MAST2: variants seen among roughly 807,000 people sequenced by gnomAD.
MAST2 encodes microtubule-associated serine/threonine-protein kinase 2.
Under a neutral mutation model 147.4 loss-of-function variants are expected in MAST2, and 70 were observed. That is an observed-to-expected ratio of 0.47 (90% CI 0.39 to 0.58). The LOEUF is 0.58. Ranked by LOEUF, MAST2 falls within the 20% of genes least tolerant of loss-of-function variation. The probability of loss-of-function intolerance (pLI) is 0.00; values close to 1 mark genes in which losing one functional copy is unlikely to be tolerated. For synonymous variants in MAST2, 869 were observed against 896.8 expected (o/e 0.97, Z 0.55); for missense variants, 2,080 against 2,302.3 (o/e 0.90, Z 1.98).
chr1:45,909,546 A>T (rs935007406), intron 4 of MAST2, among the ~76,000 whole-genome samples: 4 of 151,204 alleles, frequency 2.6e-5, no homozygotes, highest in Admixed American at 2.0e-4. Context: ...TTGGAGACAG[A>T]GTCTGGCTCT....
chr1:45,983,482 A>G (rs1558002255), intron 5 of MAST2, among the ~76,000 whole-genome samples: 1 of 151,320 alleles, frequency 6.6e-6, no homozygotes, highest in Non-Finnish European at 1.5e-5. Context: ...ATTTTAGAGT[A>G]AGACACTTTT....
intron 3 of MAST2, among the ~76,000 whole-genome samples, chr1:45,830,181 C>A (rs867084346): frequency 3.7e-5 from 4 of 108,256 alleles, no homozygotes; most frequent in Admixed American, 1.2e-4. Context: ...TTAATTGAAT[C>A]TTTTTTTTTT....
rs1000245435 is a variant in MAST2, at chr1:45,865,623, A to G, written c.469-16741A>G. Among the ~76,000 whole-genome samples, 101 of 152,142 alleles carry G rather than the reference A, an allele frequency of 6.6e-4. 1 individual carries two copies. The highest frequency in any genetic ancestry group is 1.9e-4 in the Non-Finnish European group (13 of 68,012). On this transcript the variant is annotated intron_variant, in intron 3 of 28. Coordinates refer to ENST00000361297, the MANE Select transcript of MAST2 (RefSeq NM_015112.3). ...GTCTGTCTGTGTTGTCTGTCCATCC[A>G]TCCGTCTGTCTGTCTACCTACCTAC...
intron 4 of MAST2, among the ~76,000 whole-genome samples, chr1:45,946,904 C>A (rs2148832669): frequency 6.6e-6 from 1 of 152,236 alleles, no homozygotes; most frequent in South Asian, 2.1e-4. Context: ...CAGAGTTTTG[C>A]ACCAGTCCCT....
chr1:45,899,200 C>A (rs1649297270), intron 4 of MAST2, among the ~76,000 whole-genome samples: 2 of 151,984 alleles, frequency 1.3e-5, no homozygotes, highest in African/African-American at 4.8e-5. Context: ...ATCCATGAAC[C>A]AAACAGCTCT....
chr1:46,023,820 G>GA lies in MAST2; in HGVS notation c.1622dup (p.Lys542GlufsTer21). 2 of 1,614,138 alleles carry GA rather than the reference G, an allele frequency of 1.2e-6. No individual in the cohort carries two copies. The highest frequency in any genetic ancestry group is 1.7e-6 in the Non-Finnish European group (2 of 1,180,024). ...AGTCCACCCGGCAGCGCTTTGCCAT[G>GA]AAGAAGATCAACAAGCAGAACCTGA... is the stretch of plus-strand genomic sequence containing the variant. On this transcript the variant is annotated frameshift_variant, in exon 15 of 29. Coordinates refer to ENST00000361297, the MANE Select transcript of MAST2 (RefSeq NM_015112.3). LOFTEE classifies it high-confidence loss of function. The surrounding 1 kb of genome is among the most constrained non-coding windows in gnomAD (Gnocchi z 4.9).
Position 46,035,575 on chromosome 1 carries a change from G to T in MAST2, c.4906G>T (p.Gly1636Ter), listed in dbSNP as rs1208646043. The change falls in exon 29 of 29, where the codon GGA (glycine) becomes TGA (stop). Residue 1636 changes from glycine (G) to a stop codon, truncating the protein, a stop_gained. Transcript: ENST00000361297. LOFTEE classifies it low-confidence loss of function (END_TRUNC). This position sits in a 1 kb window ranked among gnomAD's most constrained non-coding sequence, Gnocchi z 5.5. Reference sequence around the variant, plus strand: ...AACAGCACTTTCTCCCAGCACTTCGGGACTCACCCCCACCAGCAGTTGCTC... The same window carrying T: ...AACAGCACTTTCTCCCAGCACTTCGTGACTCACCCCCACCAGCAGTTGCTC... ...ALTALSPSTS[G>*]LTPTSSCSPP... The T allele has an allele frequency of 1.1e-5, 17 of 1,613,580 alleles. No homozygotes were observed. The highest frequency in any genetic ancestry group is 1.3e-5 in the African/African-American group (1 of 74,956).
At chr1:46,030,835 C>T (rs996030140) in intron 22 of MAST2, 74 bp downstream of exon 22, 26 of 1,485,698 alleles carry the variant, frequency 1.8e-5, no homozygotes, top group Middle Eastern at 3.5e-4. Context: ...GGAGAGATTC[C>T]GATGCCAGGG....
chr1:45,899,306 TC>T (rs780149523), intron 4 of MAST2, among the ~76,000 whole-genome samples: 2 of 113,476 alleles, frequency 1.8e-5, no homozygotes, highest in Admixed American at 2.2e-4. Flanking sequence ...TCCTTTCTTT[TC>T]TTTTTTTTTT....
intron 4 of MAST2, among the ~76,000 whole-genome samples, chr1:45,954,243 T>G (rs1171396796): frequency 1.4e-4 from 21 of 152,162 alleles, no homozygotes; most frequent in Admixed American, 1.4e-3. Context: ...GGAAGCAGGC[T>G]TCCTAAGTAA....
At chr1:45,873,445 G>T (rs1646479620) in intron 3 of MAST2, among the ~76,000 whole-genome samples, 1 of 151,974 alleles carries the variant, frequency 6.6e-6, no homozygotes, top group South Asian at 2.1e-4. Flanking sequence ...GGATCCTCCT[G>T]CCTCAGCCTC....
chr1:45,975,506 A>C (rs1489484572), intron 5 of MAST2, among the ~76,000 whole-genome samples: 7 of 148,986 alleles, frequency 4.7e-5, no homozygotes, highest in East Asian at 1.9e-4. Flanking sequence ...AAAAAAAAAA[A>C]AAAAAAAAAA....
intron 4 of MAST2, among the ~76,000 whole-genome samples, chr1:45,906,678 C>T (rs1351547328): frequency 6.7e-6 from 1 of 148,250 alleles, no homozygotes; most frequent in Admixed American, 6.8e-5. Context: ...AAGTTTGTAA[C>T]ATATAATAAT....
chr1:46,015,148 C>G (rs1645881466), intron 10 of MAST2, among the ~76,000 whole-genome samples: 3 of 150,974 alleles, frequency 2.0e-5, no homozygotes, highest in African/African-American at 7.3e-5. Context: ...ACACAACATA[C>G]CAGAATCTCT....
intron 15 of MAST2, chr1:46,024,404 A>G: frequency 8.9e-6 from 2 of 225,208 alleles, no homozygotes; most frequent in South Asian, 1.5e-4. Flanking sequence ...ACCAAGCAAA[A>G]TGCTCTGAGA....
intron 4 of MAST2, among the ~76,000 whole-genome samples, chr1:45,940,436 G>T (rs1657072717): frequency 6.6e-6 from 1 of 151,678 alleles, no homozygotes. Context: ...TTCATTTTTG[G>T]GTTGTTTGTT....
At chr1:45,816,280 A>G (rs1644451977) in intron 1 of MAST2, among the ~76,000 whole-genome samples, 1 of 152,092 alleles carries the variant, frequency 6.6e-6, no homozygotes, top group Admixed American at 6.6e-5. Context: ...AGTCTTCCCA[A>G]GAATAACAGA....
intron 4 of MAST2, among the ~76,000 whole-genome samples, chr1:45,910,291 G>C (rs1272693081): frequency 2.6e-5 from 4 of 151,844 alleles, no homozygotes; most frequent in African/African-American, 9.7e-5. Context: ...TACAAAGTTT[G>C]AATATATTCT....
At chr1:45,821,293 A>G (rs567554519) in intron 1 of MAST2, among the ~76,000 whole-genome samples, 2 of 152,070 alleles carry the variant, frequency 1.3e-5, no homozygotes, top group Non-Finnish European at 2.9e-5. Context: ...TTCTGATGAG[A>G]TATGAGCTGT....
Sources: allele counts gnomAD v4.1 joint callset (sites outside exome capture counted in the v4.1 genomes callset), GRCh38; gene constraint gnomAD v4.1.1; non-coding constraint Gnocchi (gnomAD v3.1); transcripts MANE v1.5; gene names NCBI Gene and HGNC (gene_info 2026-07-23, HGNC 2026-07-21).